Variants in MORC4 observed in about 807,000 individuals in gnomAD.
MORC4 encodes MORC family CW-type zinc finger 4.
Under a neutral mutation model 65.5 loss-of-function variants are expected in MORC4, and 22 were observed. The observed-to-expected ratio is 0.34, with a 90% CI of 0.24 to 0.48. The LOEUF (loss-of-function observed/expected upper bound fraction) is 0.48, where lower values mean the gene tolerates loss of function less well. Among genes scored for constraint, MORC4 ranks in the 20% least tolerant of loss-of-function variants. MORC4 has a pLI of 0.99. For missense variants in MORC4, 624 were observed against 703.0 expected (o/e 0.89, Z 1.27); for synonymous variants, 267 against 255.8 (o/e 1.04, Z -0.42).
chrX:106,964,391 G>A (rs1428716458), intron 9 of MORC4, among the ~76,000 whole-genome samples: 2 of 111,598 alleles, frequency 1.8e-5, no homozygotes, highest in Non-Finnish European at 3.8e-5. Flanking sequence ...GGACCCATAG[G>A]ACACCATAAG....
intron 14 of MORC4, among the ~76,000 whole-genome samples, chrX:106,946,052 G>A (rs1352288878): frequency 4.5e-5 from 5 of 111,534 alleles, no homozygotes; most frequent in Non-Finnish European, 3.8e-5. Context: ...CAAAAATCAC[G>A]GCCCTGTAAT....
chrX:106,974,058 G>A (rs1007448970), intron 9 of MORC4, among the ~76,000 whole-genome samples: 1 of 111,944 alleles, frequency 8.9e-6, no homozygotes, highest in African/African-American at 3.3e-5. Flanking sequence ...CCTCAAAGAT[G>A]TAAAATACCT....
intron 5 of MORC4, among the ~76,000 whole-genome samples, chrX:106,984,025 G>A (rs867210979): frequency 2.7e-5 from 3 of 111,665 alleles, no homozygotes; most frequent in Non-Finnish European, 3.8e-5. Flanking sequence ...GGCCAGGCAC[G>A]GTGGCTCATG....
At chrX:106,977,449 T>C (rs1489616889) in intron 8 of MORC4, among the ~76,000 whole-genome samples, 8 of 111,998 alleles carry the variant, frequency 7.1e-5, no homozygotes, top group African/African-American at 9.7e-5. Flanking sequence ...GGGATACTTG[T>C]AGACATTACT....
intron 9 of MORC4, among the ~76,000 whole-genome samples, chrX:106,972,388 C>T (rs60363053): frequency 0.061 from 6,759 of 110,377 alleles, 579 homozygotes; most frequent in African/African-American, 0.21. Context: ...ATGGGTGCAG[C>T]AAACCACCAT....
At chrX:106,945,094 G>A (rs1443752040) in intron 14 of MORC4, among the ~76,000 whole-genome samples, 1 of 112,143 alleles carries the variant, frequency 8.9e-6, no homozygotes, top group Non-Finnish European at 1.9e-5. Context: ...GATCATGTAA[G>A]AAGTGCTTAA....
rs1329400761 is a variant in MORC4 at position 106,955,081 on chromosome X, C to T, written c.1517G>A (p.Ser506Asn). 2 of 1,186,131 alleles carry T rather than the reference C, an allele frequency of 1.7e-6. No homozygotes were observed. Among genetic ancestry groups the T allele is most frequent in the South Asian group, 1.9e-5 (1 of 53,453 alleles). The change falls in exon 14 of 17, where the codon AGT becomes AAT. Residue 506 changes from serine (S) to asparagine (N), a missense_variant. Physicochemically the swap from Ser to Asn is conservative, Grantham distance 46. Transcript: ENST00000355610. ...PMENENHQVF[S>N]NPPKILTVQE... ...AACAGTAAGGATCTTTGGTGGATTA[C>T]TGAATACCTATAAAAGACAGAAATG...
chrX:106,958,581 G>C, intron 10 of MORC4, 117 bp from the exon 11 acceptor site: 13 of 612,994 alleles, frequency 2.1e-5, no homozygotes, highest in Non-Finnish European at 2.6e-5. Context: ...AAATATGTTG[G>C]GAATGTTATC....
At chrX:106,981,079 C>A in intron 6 of MORC4, 60 bp from the exon 7 acceptor site, 4 of 1,151,343 alleles carry the variant, frequency 3.5e-6, no homozygotes, top group Admixed American at 2.2e-5. Flanking sequence ...CTGCTGACAT[C>A]CCCATAAAAC....
chrX:106,978,063 A>G lies in MORC4; in HGVS notation c.1056+17T>C. The G allele has an allele frequency of 1.7e-6, 2 of 1,208,015 alleles. No individual in the cohort carries two copies. Among genetic ancestry groups the G allele is most frequent in the Non-Finnish European group, 2.2e-6 (2 of 893,258 alleles). ...CTCTTTTCAGCCTCCTATGACAAAG[A>G]AATATTAACTACTCACCTTCACCTG... On this transcript the variant is annotated intron_variant, in intron 8 of 16. Transcript: ENST00000355610.
intron 3 of MORC4, among the ~76,000 whole-genome samples, chrX:106,992,456 T>G (rs903733198): frequency 4.5e-5 from 5 of 111,993 alleles, no homozygotes; most frequent in Non-Finnish European, 9.4e-5. Flanking sequence ...AAGGAAGGAG[T>G]TGAAGGAATA....
Position 106,941,198 on chromosome X carries a change from G to T in MORC4, c.*281C>A, listed in dbSNP as rs1933663165. On this transcript the variant is annotated 3_prime_UTR_variant, in exon 17 of 17. Transcript: ENST00000355610. ...ACAATAGACCACATATCCAGGTCAT[G>T]AAAATTAAAGCTTTCAGGTCACCTA... 1 of 260,530 alleles carries T rather than the reference G, an allele frequency of 3.8e-6. No homozygotes were observed. The highest frequency in any genetic ancestry group is 6.8e-6 in the Non-Finnish European group (1 of 146,437). The allele number at this position is 260,530 out of a possible 1,213,427, so 21.5% of individuals were successfully genotyped here.
At chrX:106,945,972 T>C (rs1244747168) in intron 14 of MORC4, among the ~76,000 whole-genome samples, 3 of 112,013 alleles carry the variant, frequency 2.7e-5, no homozygotes, top group Non-Finnish European at 5.6e-5. Context: ...ATATATTTCA[T>C]TTTTTACTCA....
In MORC4 at chrX:106,978,066, T is replaced by C. The variant is rs748754688; in HGVS notation, c.1056+14A>G. 5.0e-6 allele frequency: 6 copies of C among 1,207,780 alleles called. No individual in the cohort carries two copies. In the South Asian group the frequency reaches 8.9e-5, roughly 18 times the overall value. ...TTTTCAGCCTCCTATGACAAAGAAA[T>C]ATTAACTACTCACCTTCACCTGGCA... On this transcript the variant is annotated intron_variant, in intron 8 of 16. Transcript: ENST00000355610.
intron 9 of MORC4, among the ~76,000 whole-genome samples, chrX:106,976,345 C>A (rs980795777): frequency 8.9e-6 from 1 of 112,030 alleles, no homozygotes; most frequent in African/African-American, 3.2e-5. Flanking sequence ...TACCAAATTA[C>A]TCCTATGCTC....
At chrX:106,950,117 A>C (rs1446582276) in intron 14 of MORC4, among the ~76,000 whole-genome samples, 1 of 111,951 alleles carries the variant, frequency 8.9e-6, no homozygotes, top group African/African-American at 3.3e-5. Flanking sequence ...ATTGCTTCTG[A>C]GTGGGTGTAG....
At chrX:106,989,958 C>T (rs1934947721) in intron 3 of MORC4, among the ~76,000 whole-genome samples, 1 of 107,762 alleles carries the variant, frequency 9.3e-6, no homozygotes, top group Admixed American at 1.0e-4. Context: ...GAGCCCGAGG[C>T]AGGTGAATCA....
At chrX:106,996,847 T>C (rs1294003476) in intron 2 of MORC4, among the ~76,000 whole-genome samples, 3 of 112,141 alleles carry the variant, frequency 2.7e-5, no homozygotes, top group East Asian at 2.8e-4. Flanking sequence ...TCTCGTTATC[T>C]CATCAGAATC....
At chrX:106,955,517 GTA>G (rs1934087424) in intron 13 of MORC4, among the ~76,000 whole-genome samples, 2 of 47,908 alleles carry the variant, frequency 4.2e-5, no homozygotes, top group African/African-American at 1.6e-4. Context: ...TATATTCATA[GTA>G]CACACACACA....
Sources: allele counts gnomAD v4.1 joint callset (sites outside exome capture counted in the v4.1 genomes callset), GRCh38; gene constraint gnomAD v4.1.1; transcripts MANE v1.5; gene names NCBI Gene and HGNC (gene_info 2026-07-23, HGNC 2026-07-21).